The following TCN1 variants were observed in gnomAD, a reference collection of about 807,000 sequenced individuals.
TCN1 encodes the protein transcobalamin 1, also known as transcobalamin-1.
TCN1 carries 47 observed loss-of-function variants against 46.3 expected under a neutral mutation model. That is an observed-to-expected ratio of 1.01 (90% CI 0.80 to 1.29). The LOEUF is 1.29. Among genes scored for constraint, TCN1 ranks in the 50% most tolerant of loss-of-function variants. TCN1 has a pLI of 0.00. For synonymous variants in TCN1, 183 were observed against 192.5 expected (o/e 0.95, Z 0.41); for missense variants, 532 against 511.0 (o/e 1.04, Z -0.40).
In TCN1 at chr11:59,861,594, G is replaced by A. The variant is rs185999138; in HGVS notation, c.489C>T (p.Thr163=). The A allele has an allele frequency of 1.8e-4, 296 of 1,614,144 alleles. 2 individuals are homozygous for A. The East Asian group carries it at 5.6e-3, about 31-fold the overall frequency. ...GAGTGAAGTGGTTGACAACTTCGGC[G>A]GTTGAGTAGTTCCCATTGAACAGAC... ...ALCLFNGNYS[T]AEVVNHFTPE... The change falls in exon 4 of 9, where the codon ACC becomes ACT. Residue 163 remains threonine (T), a synonymous_variant. Transcript: ENST00000257264.
At chr11:59,862,520 A>G in intron 3 of TCN1, 62 bp downstream of exon 3, 1 of 1,584,290 alleles carries the variant, frequency 6.3e-7, no homozygotes, top group South Asian at 1.1e-5. Context: ...AACTTCATAT[A>G]GTTTTGAATC....
rs118032955 is a variant in TCN1, at chr11:59,860,117, T to C, written c.557-850A>G. On this transcript the variant is annotated intron_variant, in intron 4 of 8. Coordinates refer to ENST00000257264, the MANE Select transcript of TCN1 (RefSeq NM_001062.4). ...TCTCTTGCTGCTGTCTGGAGTGTTT[T>C]TTGTTTGTTTGTTTTTTGTTTTTTG... Among the ~76,000 whole-genome samples, 705 of 152,264 alleles carry C rather than the reference T, an allele frequency of 4.6e-3. 2 individuals carry two copies. Among genetic ancestry groups the C allele is most frequent in the Middle Eastern group, 0.014 (4 of 294 alleles).
chr11:59,855,892 T>A lies in TCN1; in HGVS notation c.914A>T (p.Asp305Val). 1 of 1,613,484 alleles carries A rather than the reference T, an allele frequency of 6.2e-7. No homozygotes were observed. Among genetic ancestry groups the A allele is most frequent in the Non-Finnish European group, 8.5e-7 (1 of 1,179,724 alleles). Residue 305 changes from aspartate (D) to valine (V), a missense_variant, in exon 6 of 9, where the codon GAC (aspartate) becomes GTC (valine). By Grantham distance (152) the Asp-to-Val change is radical. Coordinates refer to ENST00000257264, the MANE Select transcript of TCN1 (RefSeq NM_001062.4). ...MGKTFLDINK[D>V]SSCVSASGNF... ...ACCTGAAGCAGAGACGCAAGAAGAG[T>A]CTTTGTTAATATCCAAGAAGGTCTT...
intron 5 of TCN1, among the ~76,000 whole-genome samples, chr11:59,856,637 G>T (rs1340860912): frequency 6.6e-6 from 1 of 152,176 alleles, no homozygotes; most frequent in African/African-American, 2.4e-5. Flanking sequence ...GACAGTATCT[G>T]CATTTTAGCA....
At chr11:59,860,784 G>A (rs77232416) in intron 4 of TCN1, among the ~76,000 whole-genome samples, 4,327 of 152,302 alleles carry the variant, frequency 0.028, 94 homozygotes, top group Non-Finnish European at 0.043. Context: ...GATACTTGGT[G>A]TCTCCTGTGT....
chr11:59,862,810 A>T, intron 2 of TCN1, 88 bp from the exon 3 acceptor site: 1 of 1,474,918 alleles, frequency 6.8e-7, no homozygotes, highest in South Asian at 1.1e-5. Flanking sequence ...ATTGCCTATC[A>T]CTTTTTTCTT....
rs184701211 is a variant in TCN1, at chr11:59,860,064, G to A, written c.557-797C>T. ...GGAAATTAGCTTAAAAGCAGTTTAG[G>A]GTGGGATGTAGCACGAATCTCTAAA... On this transcript the variant is annotated intron_variant, in intron 4 of 8. Transcript: ENST00000257264. Among the ~76,000 whole-genome samples the A allele has an allele frequency of 3.9e-5, 6 of 152,256 alleles. No individual in the cohort carries two copies. In the East Asian group the frequency reaches 1.2e-3, roughly 29 times the overall value.
At chr11:59,862,853 A>G (rs776586077) in intron 2 of TCN1, 131 bp from the exon 3 acceptor site, 8 of 999,512 alleles carry the variant, frequency 8.0e-6, no homozygotes, top group Non-Finnish European at 1.5e-6. Flanking sequence ...GTGTCGCTTA[A>G]TGATAGGGAT....
intron 1 of TCN1, 152 bp downstream of exon 1, chr11:59,866,240 C>G: frequency 1.3e-6 from 1 of 759,738 alleles, no homozygotes; most frequent in East Asian, 2.6e-5. Flanking sequence ...CTTTCCTCAC[C>G]ATCTCCTGCC....
intron 4 of TCN1, 88 bp from the exon 5 acceptor site, chr11:59,859,355 G>A: frequency 7.0e-7 from 1 of 1,419,814 alleles, no homozygotes; most frequent in Non-Finnish European, 9.9e-7. Context: ...GAGACTTTCA[G>A]TGCTAAAAGA....
intron 5 of TCN1, 62 bp from the exon 6 acceptor site, chr11:59,856,120 G>A (rs1020476400): frequency 4.4e-5 from 60 of 1,371,964 alleles, no homozygotes; most frequent in Non-Finnish European, 5.9e-5. Flanking sequence ...GAGAGAATAT[G>A]AGACACTTCA....
chr11:59,864,828 C>G (rs1399514888), intron 1 of TCN1, among the ~76,000 whole-genome samples: 2 of 152,142 alleles, frequency 1.3e-5, no homozygotes, highest in Non-Finnish European at 2.9e-5. Context: ...TTTCCATAAT[C>G]TTGAGGAGTA....
chr11:59,861,476 C>G lies in TCN1; in HGVS notation c.556+51G>C, dbSNP rs750190835. On this transcript the variant is annotated intron_variant, in intron 4 of 8. Transcript: ENST00000257264. ...GGTAGAAAAACTCAAAGAGCAAGAC[C>G]TACTGGTGACCATGTCCTCTGTACC... 3.1e-6 allele frequency: 5 copies of G among 1,592,780 alleles called. No homozygotes were observed. In the South Asian group the frequency reaches 5.5e-5, roughly 18 times the overall value.
At chr11:59,864,167 T>C (rs1274001886) in intron 1 of TCN1, 81 bp from the exon 2 acceptor site, 1 of 1,477,814 alleles carries the variant, frequency 6.8e-7, no homozygotes, top group Non-Finnish European at 9.4e-7. Context: ...TAAAAATATT[T>C]AGTAACAGAT....
chr11:59,862,592 A>C lies in TCN1; in HGVS notation c.390T>G (p.Ile130Met). ...DKLENKFQAE[I>M]ENMEAHNGTP... ...ATATTTAATTCTTACCCATATTTTC[A>C]ATTTCTGCTTGGAATTTATTTTCTA... The change falls in exon 3 of 9, where the codon ATT (isoleucine) becomes ATG (methionine). Residue 130 changes from isoleucine (I) to methionine (M), a missense_variant. Coordinates refer to ENST00000257264, the MANE Select transcript of TCN1 (RefSeq NM_001062.4). 1 of 1,613,470 alleles carries C rather than the reference A, an allele frequency of 6.2e-7. No homozygotes were observed. Among genetic ancestry groups the C allele is most frequent in the Non-Finnish European group, 8.5e-7 (1 of 1,179,644 alleles).
At chr11:59,859,025 T>G (rs1272256092) in intron 5 of TCN1, 52 bp downstream of exon 5, 1 of 1,590,970 alleles carries the variant, frequency 6.3e-7, no homozygotes, top group East Asian at 2.2e-5. Flanking sequence ...AAATACTGCT[T>G]TCTTCCAGAG....
At chr11:59,862,791 G>A in intron 2 of TCN1, 69 bp from the exon 3 acceptor site, 1 of 1,574,312 alleles carries the variant, frequency 6.4e-7, no homozygotes, top group Non-Finnish European at 8.7e-7. Flanking sequence ...TGATTTCCTT[G>A]AGACTTATAT....
In TCN1 at chr11:59,861,619, C is replaced by T; in HGVS notation, c.464G>A (p.Cys155Tyr). ...GGTTGAGTAGTTCCCATTGAACAGA[C>T]ACAAGGCCAAAACGTCCAGGCTGAG... ...YQLSLDVLAL[C>Y]LFNGNYSTAE... The change falls in exon 4 of 9, where the codon TGT (cysteine) becomes TAT (tyrosine). Residue 155 changes from cysteine to tyrosine, a missense_variant. Coordinates refer to ENST00000257264, the MANE Select transcript of TCN1 (RefSeq NM_001062.4). 1 of 1,614,132 alleles carries T rather than the reference C, an allele frequency of 6.2e-7. No homozygotes were observed. Among genetic ancestry groups the T allele is most frequent in the Non-Finnish European group, 8.5e-7 (1 of 1,179,996 alleles).
intron 2 of TCN1, 126 bp from the exon 3 acceptor site, chr11:59,862,848 G>T: frequency 1.9e-6 from 2 of 1,057,148 alleles, no homozygotes; most frequent in Non-Finnish European, 2.8e-6. Flanking sequence ...GTCTTGTGTC[G>T]CTTAATGATA....
Sources: gnomAD v4.1 joint callset for allele counts (sites outside exome capture counted in the v4.1 genomes callset) on GRCh38, gnomAD v4.1.1 for gene constraint, MANE v1.5 for transcripts, NCBI Gene and HGNC (gene_info 2026-07-23, HGNC 2026-07-21) for gene names.